The following ROBO2 variants were observed in gnomAD, a reference collection of about 807,000 sequenced individuals.
The protein encoded by ROBO2 is roundabout guidance receptor 2, also known as roundabout homolog 2.
In ROBO2, 53 loss-of-function variants were observed where a neutral mutation model predicts 160.8. That is an observed-to-expected ratio of 0.33 (90% CI 0.26 to 0.41). The LOEUF is 0.41. ROBO2 is among the 10% of genes least tolerant of loss of function. The pLI, the probability that ROBO2 is intolerant of heterozygous loss-of-function variation, is 1.00. For missense variants in ROBO2, 1,577 were observed against 1,722.4 expected (o/e 0.92, Z 1.49); for synonymous variants, 664 against 611.7 (o/e 1.09, Z -1.26).
chr3:76,185,310 A>G (rs1445463820), intron 2 of ROBO2, among the ~76,000 whole-genome samples: 1 of 150,626 alleles, frequency 6.6e-6, no homozygotes, highest in Non-Finnish European at 1.5e-5. Context: ...TTATAAAGAA[A>G]CCAATCTATT....
intron 2 of ROBO2, among the ~76,000 whole-genome samples, chr3:76,847,662 C>T (rs1201999684): frequency 6.6e-6 from 1 of 152,124 alleles, no homozygotes; most frequent in Non-Finnish European, 1.5e-5. Flanking sequence ...TGGATAATCT[C>T]AACTCGGCAT....
At chr3:76,681,322 C>A (rs985904779) in intron 2 of ROBO2, among the ~76,000 whole-genome samples, 1 of 152,176 alleles carries the variant, frequency 6.6e-6, no homozygotes, top group Admixed American at 6.6e-5. Context: ...AAAAGAGGCA[C>A]GGAAATAATA....
chr3:76,324,963 G>A lies in ROBO2; in HGVS notation c.109+387361G>A, dbSNP rs569029638. On this transcript the variant is annotated intron_variant, in intron 2 of 26. Coordinates refer to the ROBO2 transcript ENST00000487694. ...CTAATAAAAATACAAAAAATTAGCC[G>A]GGCGTGGTGGCAGCGCCTGTAGCCC... Among the ~76,000 whole-genome samples the A allele has an allele frequency of 5.0e-3, 754 of 152,204 alleles. 7 individuals carry two copies. Among genetic ancestry groups the A allele is most frequent in the African/African-American group, 0.017 (719 of 41,556 alleles).
chr3:77,364,415 C>T (rs1299565541), intron 2 of ROBO2, among the ~76,000 whole-genome samples: 1 of 152,062 alleles, frequency 6.6e-6, no homozygotes. Flanking sequence ...TAAAAGTGGC[C>T]TCTTTCATTA....
intron 2 of ROBO2, among the ~76,000 whole-genome samples, chr3:77,215,188 T>A (rs2084762394): frequency 6.6e-6 from 1 of 152,222 alleles, no homozygotes; most frequent in African/African-American, 2.4e-5. Context: ...CCAACTTGGT[T>A]CCATTCTCCC....
chr3:77,620,216 A>G (rs1375062384), intron 22 of ROBO2, among the ~76,000 whole-genome samples: 3 of 152,276 alleles, frequency 2.0e-5, no homozygotes, highest in East Asian at 3.9e-4. Flanking sequence ...GTGACTCACC[A>G]TCTGGGTAGC....
intron 2 of ROBO2, among the ~76,000 whole-genome samples, chr3:77,268,831 G>A (rs1181790197): frequency 1.3e-5 from 2 of 152,174 alleles, no homozygotes; most frequent in Non-Finnish European, 2.9e-5. Flanking sequence ...GCAATTTAGA[G>A]AGCCTGGGGG....
intron 2 of ROBO2, among the ~76,000 whole-genome samples, chr3:76,033,717 T>A (rs982411539): frequency 6.6e-6 from 1 of 152,180 alleles, no homozygotes; most frequent in Non-Finnish European, 1.5e-5. Context: ...CATGATTGAA[T>A]GGTTTTGGCT....
chr3:76,889,248 G>A, intron 2 of ROBO2, among the ~76,000 whole-genome samples: 1 of 152,144 alleles, frequency 6.6e-6, no homozygotes, highest in Non-Finnish European at 1.5e-5. Context: ...TGATTTTTAA[G>A]TCTTGGCATT....
At chr3:76,375,360 C>T (rs975517131) in intron 2 of ROBO2, among the ~76,000 whole-genome samples, 9 of 151,978 alleles carry the variant, frequency 5.9e-5, no homozygotes, top group Non-Finnish European at 1.2e-4. Flanking sequence ...TGGCAAACTT[C>T]GTATCACACT....
At chr3:76,551,080 G>A (rs1034430824) in intron 2 of ROBO2, among the ~76,000 whole-genome samples, 1 of 152,098 alleles carries the variant, frequency 6.6e-6, no homozygotes, top group Non-Finnish European at 1.5e-5. Context: ...GTGGCCCAGA[G>A]TGAGAACTTA....
rs2079560496 is a variant in ROBO2, at chr3:76,487,465, T to G, written c.109+549863T>G. Reference sequence around the variant, plus strand: ...TGATAAAAATATATAGATTTTCTATTTCAACAATAAATGAATCTTCTAATA... The same window carrying G: ...TGATAAAAATATATAGATTTTCTATGTCAACAATAAATGAATCTTCTAATA... On this transcript the variant is annotated intron_variant, in intron 2 of 26. Transcript: ENST00000487694. Among the ~76,000 whole-genome samples, 3 of 152,160 alleles carry G rather than the reference T, an allele frequency of 2.0e-5. No homozygotes were observed. The East Asian group carries it at 5.8e-4, about 29-fold the overall frequency.
chr3:76,112,341 A>T (rs1334040399), intron 2 of ROBO2, among the ~76,000 whole-genome samples: 1 of 152,100 alleles, frequency 6.6e-6, no homozygotes, highest in Non-Finnish European at 1.5e-5. Context: ...TCAAAATTTC[A>T]GAATGCACTA....
At chr3:76,791,231 A>G (rs1027408286) in intron 2 of ROBO2, among the ~76,000 whole-genome samples, 11 of 151,790 alleles carry the variant, frequency 7.2e-5, no homozygotes, top group Admixed American at 3.3e-4. Flanking sequence ...AGTTGAGGAC[A>G]GCTCAAAATA....
At chr3:76,407,536 A>G (rs1311978724) in intron 2 of ROBO2, among the ~76,000 whole-genome samples, 1 of 151,992 alleles carries the variant, frequency 6.6e-6, no homozygotes, top group South Asian at 2.1e-4. Flanking sequence ...CCATGTGAAT[A>G]TAGCCAAAGG....
intron 2 of ROBO2, among the ~76,000 whole-genome samples, chr3:76,876,276 A>G (rs574021725): frequency 1.3e-5 from 2 of 152,326 alleles, no homozygotes; most frequent in Admixed American, 1.3e-4. Flanking sequence ...TGCATGTACT[A>G]AGAGTAATGG....
intron 2 of ROBO2, among the ~76,000 whole-genome samples, chr3:76,172,436 T>TAAAAAAAAAAAAAAA (rs59265395): frequency 8.0e-6 from 1 of 124,752 alleles, no homozygotes. Context: ...GTATAATAAT[T>TAAAAAAAAAAAAAAA]AAAAAAAAAA....
At chr3:77,639,464 T>C (rs762855578) in intron 24 of ROBO2, among the ~76,000 whole-genome samples, 1 of 151,988 alleles carries the variant, frequency 6.6e-6, no homozygotes, top group Admixed American at 6.6e-5. Flanking sequence ...GTAGAGTGAC[T>C]GGGGAAGTCC....
chr3:77,252,638 T>A (rs901181871), intron 2 of ROBO2, among the ~76,000 whole-genome samples: 1 of 150,230 alleles, frequency 6.7e-6, no homozygotes, highest in Non-Finnish European at 1.5e-5. Flanking sequence ...AAACCCCATC[T>A]CTACTAAAAA....
Sources: allele counts gnomAD v4.1 joint callset (sites outside exome capture counted in the v4.1 genomes callset), GRCh38; gene constraint gnomAD v4.1.1; transcripts MANE v1.5; gene names NCBI Gene and HGNC (gene_info 2026-07-23, HGNC 2026-07-21).